The following SEM1 variants were observed in gnomAD, a reference collection of about 807,000 sequenced individuals.
SEM1 encodes the protein SEM1 26S proteasome subunit.
SEM1 carries 3 observed loss-of-function variants against 12.7 expected under a neutral mutation model. The ratio of observed to expected loss-of-function variants is 0.24; its 90% CI spans 0.11 to 0.61. The LOEUF (loss-of-function observed/expected upper bound fraction) is 0.61. SEM1 is among the 20% of genes least tolerant of loss of function. The pLI, the probability that SEM1 is intolerant of heterozygous loss-of-function variation, is 0.88. For synonymous variants in SEM1, 30 were observed against 27.8 expected (o/e 1.08, Z -0.25); for missense variants, 59 against 81.3 (o/e 0.73, Z 1.06).
At chr7:96,672,386 T>C (rs1789340356), downstream of SEM1, among the ~76,000 whole-genome samples, 1 of 152,154 alleles carries the variant, frequency 6.6e-6, no homozygotes, top group Admixed American at 6.5e-5. Context: ...GAAGACATCG[T>C]AGGTAGGAGA....
intron 1 of SEM1, among the ~76,000 whole-genome samples, chr7:96,705,001 G>A (rs1236029279): frequency 6.6e-6 from 1 of 152,146 alleles, no homozygotes; most frequent in East Asian, 1.9e-4. Flanking sequence ...TCAAGTCAGT[G>A]TGACATCCAA....
chr7:96,541,440 T>TTG (rs1563052805), intron 2 of SEM1, among the ~76,000 whole-genome samples: 2,459 of 134,980 alleles, frequency 0.018, 68 homozygotes, highest in African/African-American at 0.07. Flanking sequence ...GGTTTTTTTT[T>TTG]TTGTTTTTTT....
At chr7:96,529,508 C>A (rs4490763) in intron 2 of SEM1, among the ~76,000 whole-genome samples, 1 of 151,862 alleles carries the variant, frequency 6.6e-6, no homozygotes, top group African/African-American at 2.4e-5. Flanking sequence ...ATCTCTTCCT[C>A]ATAAAAATAT....
chr7:96,549,166 A>C (rs10953182), intron 2 of SEM1, among the ~76,000 whole-genome samples: 3 of 151,972 alleles, frequency 2.0e-5, no homozygotes, highest in Non-Finnish European at 4.4e-5. Flanking sequence ...AAAGCAGTAA[A>C]AGGGGTCCAG....
At chr7:96,566,708 C>A (rs1313059842) in intron 2 of SEM1, among the ~76,000 whole-genome samples, 2 of 151,590 alleles carry the variant, frequency 1.3e-5, no homozygotes, top group African/African-American at 4.8e-5. Flanking sequence ...AGAAAGGCTT[C>A]TCTCATTACA....
chr7:96,672,991 G>GA (rs1382301896), downstream of SEM1: 2 of 149,980 alleles, frequency 1.3e-5, no homozygotes, highest in Non-Finnish European at 3.0e-5. Flanking sequence ...AGAATTAAGT[G>GA]AAAAAATGCA....
chr7:96,509,153 ATT>A (rs71127457), intron 2 of SEM1, among the ~76,000 whole-genome samples: 7,012 of 120,778 alleles, frequency 0.058, 599 homozygotes, highest in African/African-American at 0.2. Context: ...CGTCCAGCTA[ATT>A]TTTTTTTTTT....
At chr7:96,708,075 A>G (rs779104760) in intron 1 of SEM1, 4 of 152,326 alleles carry the variant, frequency 2.6e-5, no homozygotes, top group Non-Finnish European at 4.4e-5. Context: ...TAAAGTGCCT[A>G]ACATTCCACC....
chr7:96,517,210 T>C (rs1246435879), intron 2 of SEM1, among the ~76,000 whole-genome samples: 1 of 152,136 alleles, frequency 6.6e-6, no homozygotes, highest in Non-Finnish European at 1.5e-5. Flanking sequence ...TGAACCTTAA[T>C]GTATACTATG....
At chr7:96,673,795 T>C in exon 3 of SEM1, 2 of 765,228 alleles carry the variant, frequency 2.6e-6, no homozygotes, top group South Asian at 2.7e-5. Context: ...ATTCTTCCCT[T>C]TTGGTGGAGA....
In SEM1 at chr7:96,585,387, A is replaced by G. The variant is rs1157911338; in HGVS notation, c.171-78689T>C. Among the ~76,000 whole-genome samples, 6 of 152,326 alleles carry G rather than the reference A, an allele frequency of 3.9e-5. No individual in the cohort carries two copies. The East Asian group carries it at 9.7e-4, about 25-fold the overall frequency. On this transcript the variant is annotated intron_variant and NMD_transcript_variant, in intron 2 of 3. Coordinates refer to the SEM1 transcript ENST00000466986. ...CTCTTTAAAGCTGTCAGACAGGGAC[A>G]TTTAAGTCTGCAGAGGTTACTGCTG... is the stretch of plus-strand genomic sequence containing the variant.
chr7:96,643,506 G>A (rs1242102524), intron 2 of SEM1, among the ~76,000 whole-genome samples: 3 of 152,026 alleles, frequency 2.0e-5, no homozygotes, highest in East Asian at 3.9e-4. Flanking sequence ...ACATGCACAC[G>A]TATGTTTACT....
intron 2 of SEM1, among the ~76,000 whole-genome samples, chr7:96,615,355 C>T (rs1807682552): frequency 6.8e-6 from 1 of 146,870 alleles, no homozygotes; most frequent in Admixed American, 7.1e-5. Context: ...CAAGTTCAAG[C>T]AATTCTTATT....
At chr7:96,517,306 G>T in intron 2 of SEM1, among the ~76,000 whole-genome samples, 1 of 152,094 alleles carries the variant, frequency 6.6e-6, no homozygotes, top group African/African-American at 2.4e-5. Flanking sequence ...AAAAGGGGAT[G>T]CTATGCTTGT....
chr7:96,507,666 C>CA (rs1350200882), intron 2 of SEM1, among the ~76,000 whole-genome samples: 1 of 152,124 alleles, frequency 6.6e-6, no homozygotes, highest in East Asian at 1.9e-4. Flanking sequence ...TTACCTTCTT[C>CA]ATTCCCTATT....
At chr7:96,645,659 C>A (rs1808765699) in intron 2 of SEM1, 1 of 396,990 alleles carries the variant, frequency 2.5e-6, no homozygotes, top group Middle Eastern at 6.3e-4. Flanking sequence ...ATATACCATA[C>A]ACAGTAGTTT....
rs951732874 is a variant in SEM1, at chr7:96,674,566, C to T, written c.171-707G>A. On this transcript the variant is annotated intron_variant, in intron 2 of 2. Coordinates refer to the SEM1 transcript ENST00000413065. Reference sequence around the variant, plus strand: ...GTGGTCCCAGAAGATACTTGGGAAGCTGATATGGGAGGATGGTTTGGGCTC... The same window carrying T: ...GTGGTCCCAGAAGATACTTGGGAAGTTGATATGGGAGGATGGTTTGGGCTC... 2.0e-5 allele frequency among the ~76,000 whole-genome samples: 3 copies of T among 152,098 alleles called. No homozygotes were observed. In the East Asian group the frequency reaches 5.8e-4, roughly 29 times the overall value.
intron 3 of SEM1, among the ~76,000 whole-genome samples, chr7:96,501,844 ATAGT>A (rs1214841437): frequency 6.6e-6 from 1 of 152,048 alleles, no homozygotes; most frequent in Non-Finnish European, 1.5e-5. Context: ...GTAGTACCCA[ATAGT>A]TAGTTTTTCA....
chr7:96,605,562 T>C (rs780647550), intron 2 of SEM1, among the ~76,000 whole-genome samples: 2 of 152,246 alleles, frequency 1.3e-5, no homozygotes, highest in African/African-American at 2.4e-5. Flanking sequence ...AGATTGGGAC[T>C]GCTTCCAACT....
Sources: gnomAD v4.1 joint callset for allele counts (sites outside exome capture counted in the v4.1 genomes callset) on GRCh38, gnomAD v4.1.1 for gene constraint, MANE v1.5 for transcripts, NCBI Gene and HGNC (gene_info 2026-07-23, HGNC 2026-07-21) for gene names.